KLHL5: variants seen among roughly 807,000 people sequenced by gnomAD.
The protein encoded by KLHL5 is kelch like family member 5.
KLHL5 carries 48 observed loss-of-function variants against 77.7 expected under a neutral mutation model. That is an observed-to-expected ratio of 0.62 (90% CI 0.49 to 0.79). KLHL5 has a LOEUF of 0.79. Among genes scored for constraint, KLHL5 ranks in the 30% least tolerant of loss-of-function variants. The pLI is 0.00. For synonymous variants in KLHL5, 260 were observed against 297.0 expected (o/e 0.88, Z 1.28); for missense variants, 723 against 859.7 (o/e 0.84, Z 1.99).
chr4:39,126,816 C>T (rs189261512), downstream of KLHL5: 84 of 437,964 alleles, frequency 1.9e-4, no homozygotes, highest in African/African-American at 1.5e-3. Context: ...TATCTAAAGC[C>T]GGCATCTTGT....
intron 1 of KLHL5, among the ~76,000 whole-genome samples, chr4:39,064,463 CA>C (rs1246310555): frequency 2.0e-5 from 3 of 152,038 alleles, no homozygotes; most frequent in African/African-American, 7.2e-5. Flanking sequence ...GTAAATGTTT[CA>C]TTTGAAAATC....
At chr4:39,104,129 T>C (rs182546737) in intron 7 of KLHL5, among the ~76,000 whole-genome samples, 2 of 152,032 alleles carry the variant, frequency 1.3e-5, no homozygotes, top group Admixed American at 1.3e-4. Context: ...GGGATGAAGA[T>C]TGAAATGGGA....
chr4:39,085,597 A>G (rs1421496386), intron 4 of KLHL5, among the ~76,000 whole-genome samples: 1 of 152,166 alleles, frequency 6.6e-6, no homozygotes, highest in Non-Finnish European at 1.5e-5. Context: ...TTCAAATCAG[A>G]TGGTATGTTT....
At position 39,124,802 on chromosome 4, in the gene KLHL5, C is replaced by CAAAAAAAAAAAAAAAAAAAAAAAAAAAAA. The variant is rs71643268; in HGVS notation, c.*3760_*3761insAAAAAAAAAAAAAAAAAAAAAAAAAAAAA. On this transcript the variant is annotated 3_prime_UTR_variant, in exon 11 of 11. Transcript: ENST00000504108. ...GCACCAAAAGCACAAGCAACAACAGCAAAAAAAAAAAAAAAAAAAAAAAAT... is the reference window on the plus strand; with the variant it reads ...GCACCAAAAGCACAAGCAACAACAGCAAAAAAAAAAAAAAAAAAAAAAAAAAAAAAAAAAAAAAAAAAAAAAAAAAAAAT... 4.8e-4 allele frequency among the ~76,000 whole-genome samples: 21 copies of CAAAAAAAAAAAAAAAAAAAAAAAAAAAAA among 44,118 alleles called. No individual in the cohort carries two copies. Among genetic ancestry groups the CAAAAAAAAAAAAAAAAAAAAAAAAAAAAA allele is most frequent in the African/African-American group, 1.0e-3 (14 of 13,560 alleles). 28.9% of individuals were successfully genotyped at this position (44,118 alleles called of 152,430 possible). A position where few individuals can be genotyped will look rare whatever the true frequency, so the allele number is the denominator to read the frequency against.
intron 5 of KLHL5, among the ~76,000 whole-genome samples, chr4:39,088,718 C>T (rs1022768911): frequency 1.3e-5 from 2 of 152,142 alleles, no homozygotes; most frequent in African/African-American, 2.4e-5. Flanking sequence ...GGGGTTTTGA[C>T]GAGAAGGCAG....
chr4:39,065,042 G>A (rs1356922376), intron 1 of KLHL5, among the ~76,000 whole-genome samples: 1 of 152,024 alleles, frequency 6.6e-6, no homozygotes, highest in Non-Finnish European at 1.5e-5. Context: ...GGGGAAATAT[G>A]TCAAAGGAAT....
intron 10 of KLHL5, among the ~76,000 whole-genome samples, chr4:39,117,206 C>T (rs769518870): frequency 7.9e-5 from 12 of 151,998 alleles, no homozygotes; most frequent in Non-Finnish European, 1.3e-4. Context: ...GAGGCTGAGG[C>T]GGAAGATCGC....
chr4:39,062,117 T>G (rs144370815), upstream of KLHL5: 297 of 456,372 alleles, frequency 6.5e-4, 2 homozygotes, highest in African/African-American at 6.0e-3. Context: ...AGTTTAGAAA[T>G]AGAAACATTT....
At chr4:39,133,466 C>T in the KLHL5 span, among the ~76,000 whole-genome samples, 2 of 151,706 alleles carry the variant, frequency 1.3e-5, no homozygotes, top group East Asian at 3.9e-4. Flanking sequence ...ATCTGTATGA[C>T]TCACACCTGT....
chr4:39,074,732 T>C (rs896411917), intron 1 of KLHL5, among the ~76,000 whole-genome samples: 1 of 151,908 alleles, frequency 6.6e-6, no homozygotes, highest in Non-Finnish European at 1.5e-5. Context: ...GACTTTTTTC[T>C]TTTTTGATAA....
Position 39,107,631 on chromosome 4 carries a change from A to G in KLHL5, c.1588A>G (p.Asn530Asp). 2.5e-6 allele frequency: 4 copies of G among 1,612,728 alleles called. No individual in the cohort carries two copies. The highest frequency in any genetic ancestry group is 3.4e-6 in the Non-Finnish European group (4 of 1,178,992). Residue 530 changes from asparagine to aspartate, a missense_variant, in exon 8 of 11, where the codon AAC becomes GAC. Physicochemically the swap from Asn to Asp is conservative, Grantham distance 23. Transcript: ENST00000504108. Reference protein sequence around the residue: ...VGGHDGWSYLNTVERWDPQAR... With the variant: ...VGGHDGWSYLDTVERWDPQAR... Reference sequence around the variant, plus strand: ...AGGACATGATGGCTGGAGCTATCTGAACACAGTGGAAAGATGGGACCCTCA... The same window carrying G: ...AGGACATGATGGCTGGAGCTATCTGGACACAGTGGAAAGATGGGACCCTCA...
At chr4:39,084,874 A>G (rs1390517286) in intron 4 of KLHL5, among the ~76,000 whole-genome samples, 1 of 152,150 alleles carries the variant, frequency 6.6e-6, no homozygotes, top group Non-Finnish European at 1.5e-5. Context: ...CCATGTACCT[A>G]CGTGATCTTT....
At chr4:39,140,119 T>TG in the KLHL5 span, among the ~76,000 whole-genome samples, 1,821 of 151,174 alleles carry the variant, frequency 0.012, 40 homozygotes, top group African/African-American at 0.039. Context: ...CCCAGCTACT[T>TG]GGGGGGGGCT....
chr4:39,138,820 C>T, the KLHL5 span, among the ~76,000 whole-genome samples: 4 of 152,032 alleles, frequency 2.6e-5, no homozygotes, highest in Admixed American at 6.6e-5. Flanking sequence ...AAAATAGGAA[C>T]GCATATAAAT....
intron 6 of KLHL5, among the ~76,000 whole-genome samples, chr4:39,097,986 A>G (rs528634668): frequency 6.6e-4 from 100 of 151,816 alleles, no homozygotes; most frequent in Middle Eastern, 3.4e-3. Flanking sequence ...CAAAAAAATT[A>G]GCCCAACAAT....
chr4:39,114,215 G>A (rs762535786), intron 9 of KLHL5, among the ~76,000 whole-genome samples: 3 of 152,216 alleles, frequency 2.0e-5, no homozygotes, highest in South Asian at 2.1e-4. Flanking sequence ...GGAAGTTCAA[G>A]ATTGGGAGGC....
intron 8 of KLHL5, among the ~76,000 whole-genome samples, chr4:39,110,524 T>C (rs2109562172): frequency 6.6e-6 from 1 of 152,254 alleles, no homozygotes; most frequent in Admixed American, 6.5e-5. Flanking sequence ...AGTGACACAA[T>C]TACAGCTCAC....
In KLHL5 at chr4:39,123,145, C is replaced by G. The variant is rs935026085; in HGVS notation, c.*2079C>G. ...TAGATGACCTCGATGAAAAAACACA[C>G]CAATTGACAAAACTGGCTCAAAAGG... On this transcript the variant is annotated 3_prime_UTR_variant, in exon 11 of 11. Coordinates refer to ENST00000504108, the MANE Select transcript of KLHL5 (RefSeq NM_015990.5). Among the ~76,000 whole-genome samples the G allele has an allele frequency of 6.6e-6, 1 of 152,076 alleles. No homozygotes were observed. The highest frequency in any genetic ancestry group is 6.6e-5 in the Admixed American group (1 of 15,262).
At position 39,121,221 on chromosome 4, in the gene KLHL5, A is replaced by G; in HGVS notation, c.*155A>G. The stretch of plus-strand genomic sequence containing the variant: ...AATGAAGATAGTAAAACAAGGGAGG[A>G]AGCAGTGGATGGACCAGGATTAATT... On this transcript the variant is annotated 3_prime_UTR_variant, in exon 11 of 11. Coordinates refer to ENST00000504108, the MANE Select transcript of KLHL5 (RefSeq NM_015990.5). 2 of 645,744 alleles carry G rather than the reference A, an allele frequency of 3.1e-6. No homozygotes were observed. Among genetic ancestry groups the G allele is most frequent in the Non-Finnish European group, 5.5e-6 (2 of 365,794 alleles). The allele number at this position is 645,744 out of a possible 1,614,324, so 40.0% of individuals were successfully genotyped here. A position where few individuals can be genotyped will look rare whatever the true frequency, so the allele number is the denominator to read the frequency against.
Sources: gnomAD v4.1 joint callset for allele counts (sites outside exome capture counted in the v4.1 genomes callset) on GRCh38, gnomAD v4.1.1 for gene constraint, MANE v1.5 for transcripts, NCBI Gene and HGNC (gene_info 2026-07-23, HGNC 2026-07-21) for gene names.